The following RELL1 variants were observed in gnomAD, a reference collection of about 807,000 sequenced individuals.
RELL1 encodes RELT-like protein 1.
Under a neutral mutation model 23.0 loss-of-function variants are expected in RELL1, and 10 were observed. The ratio of observed to expected loss-of-function variants is 0.43; its 90% CI spans 0.27 to 0.74. The LOEUF is 0.74. RELL1 is among the 30% of genes least tolerant of loss of function. The pLI is 0.19. For missense variants in RELL1, 315 were observed against 364.4 expected, an observed-to-expected ratio of 0.86 and a Z score of 1.10; for synonymous variants, 146 against 146.8, an observed-to-expected ratio of 0.99 and a Z score of 0.04.
Position 37,612,339 on chromosome 4 carries a change from CAAAAAAAA to C in RELL1, c.*999_*1006del, listed in dbSNP as rs67692676. 1.2e-5 allele frequency among the ~76,000 whole-genome samples: 1 copy of C among 85,332 alleles called. No homozygotes were observed. Among genetic ancestry groups the C allele is most frequent in the African/African-American group, 6.5e-5 (1 of 15,288 alleles). 56.0% of individuals were successfully genotyped at this position (85,332 alleles called of 152,430 possible). A position where few individuals can be genotyped will look rare whatever the true frequency, so the allele number is the denominator to read the frequency against. On this transcript the variant is annotated 3_prime_UTR_variant, in exon 7 of 7. Coordinates refer to ENST00000454158, the MANE Select transcript of RELL1 (RefSeq NM_001085400.2). ...CTAAAGGTTAAAAAAAAAAAAAAAA[CAAAAAAAA>C]ACAAAAAACCGGGTGCAGTGGCCCA...
intron 6 of RELL1, among the ~76,000 whole-genome samples, chr4:37,626,365 C>G (rs1432437526): frequency 6.6e-6 from 1 of 152,122 alleles, no homozygotes; most frequent in Non-Finnish European, 1.5e-5. Context: ...GCAATCCCAG[C>G]TACTCAGGAG....
At chr4:37,630,433 C>T (rs1720090181) in intron 6 of RELL1, among the ~76,000 whole-genome samples, 2 of 131,870 alleles carry the variant, frequency 1.5e-5, no homozygotes, top group African/African-American at 2.9e-5. Flanking sequence ...GGCGTGATCT[C>T]GGCTCACTGC....
At chr4:37,600,442 C>G (rs763344420) in intron 6 of RELL1, among the ~76,000 whole-genome samples, 1 of 152,070 alleles carries the variant, frequency 6.6e-6, no homozygotes. Context: ...TGGGTAAGTT[C>G]TGTTCTACCT....
chr4:37,636,551 C>A (rs1358186214), intron 4 of RELL1, among the ~76,000 whole-genome samples: 1 of 149,622 alleles, frequency 6.7e-6, no homozygotes, highest in African/African-American at 2.5e-5. Flanking sequence ...GCCTAGATCG[C>A]GCCACTGCAC....
chr4:37,651,908 T>C (rs772977064), intron 1 of RELL1, among the ~76,000 whole-genome samples: 3 of 152,142 alleles, frequency 2.0e-5, no homozygotes, highest in Non-Finnish European at 4.4e-5. Flanking sequence ...CTCATTCTTC[T>C]TGGGTGCGCT....
intron 1 of RELL1, among the ~76,000 whole-genome samples, chr4:37,662,401 G>A (rs1357687134): frequency 1.3e-5 from 2 of 151,950 alleles, no homozygotes; most frequent in African/African-American, 2.4e-5. Context: ...AGATGATCCA[G>A]AAAGAAAAAG....
chr4:37,620,537 A>G (rs930848240), intron 6 of RELL1, among the ~76,000 whole-genome samples: 1 of 152,246 alleles, frequency 6.6e-6, no homozygotes, highest in African/African-American at 2.4e-5. Context: ...GTTCCCTACT[A>G]GTCTCAACAC....
chr4:37,652,721 C>G (rs908304869), intron 1 of RELL1, among the ~76,000 whole-genome samples: 2 of 152,156 alleles, frequency 1.3e-5, no homozygotes, highest in Admixed American at 6.6e-5. Flanking sequence ...CATGTGGCAA[C>G]CCCTAACAAA....
At chr4:37,590,132 A>G (rs756602207), downstream of RELL1, 2 of 1,614,186 alleles carry the variant, frequency 1.2e-6, no homozygotes, top group Non-Finnish European at 1.7e-6. Context: ...GGCTATGTCA[A>G]TGAAGTCAAC....
intron 6 of RELL1, among the ~76,000 whole-genome samples, chr4:37,615,947 A>G (rs928579171): frequency 6.6e-6 from 1 of 152,120 alleles, no homozygotes; most frequent in Non-Finnish European, 1.5e-5. Flanking sequence ...ATACATACAA[A>G]TATCTATGCC....
At chr4:37,590,738 G>A, downstream of RELL1, 1 of 1,614,202 alleles carries the variant, frequency 6.2e-7, no homozygotes, top group Non-Finnish European at 8.5e-7. Context: ...GGGGAGCATG[G>A]TTTGAATACG....
chr4:37,669,913 G>C (rs960971869), intron 1 of RELL1, among the ~76,000 whole-genome samples: 2 of 151,250 alleles, frequency 1.3e-5, no homozygotes, highest in Non-Finnish European at 3.0e-5. Flanking sequence ...AAGGCCGCAG[G>C]GTCCTCTGCC....
At chr4:37,637,794 T>C (rs1018389718) in intron 4 of RELL1, among the ~76,000 whole-genome samples, 1 of 152,240 alleles carries the variant, frequency 6.6e-6, no homozygotes, top group African/African-American at 2.4e-5. Flanking sequence ...TAATTAATTA[T>C]GAAGGAATAT....
At chr4:37,606,201 AAAGAAAGAAGG>A (rs1719218391), downstream of RELL1, among the ~76,000 whole-genome samples, 1 of 151,180 alleles carries the variant, frequency 6.6e-6, no homozygotes, top group African/African-American at 2.4e-5. The surrounding 1 kb of genome is among the most constrained non-coding windows in gnomAD (Gnocchi z 4.1). Flanking sequence ...GAGAAAGAAG[AAAGAAAGAAGG>A]AAAGAAAGAA....
At position 37,686,257 on chromosome 4, in the gene RELL1, C is replaced by A; in HGVS notation, c.31G>T (p.Val11Phe). The A allele has an allele frequency of 1.3e-6, 2 of 1,566,054 alleles. No homozygotes were observed. Among genetic ancestry groups the A allele is most frequent in the East Asian group, 4.9e-5 (2 of 41,064 alleles). MAPRALPGSAVLAAAVFVGGA... is the reference protein window; with the variant it reads MAPRALPGSAFLAAAVFVGGA... Reference sequence around the variant, plus strand: ...CCCACGAAGACAGCAGCGGCTAGGACGGCGGACCCCGGGAGTGCCCGCGGA... The same window carrying A: ...CCCACGAAGACAGCAGCGGCTAGGAAGGCGGACCCCGGGAGTGCCCGCGGA... The change falls in exon 1 of 7, where the codon GTC becomes TTC. Residue 11 changes from valine to phenylalanine, a missense_variant. By Grantham distance (50) the Val-to-Phe change is conservative. Coordinates refer to ENST00000454158, the MANE Select transcript of RELL1 (RefSeq NM_001085400.2).
In RELL1 at chr4:37,654,031, T is replaced by A. The variant is rs188226991; in HGVS notation, c.89-4531A>T. Among the ~76,000 whole-genome samples the A allele has an allele frequency of 2.2e-4, 34 of 152,332 alleles. No individual in the cohort carries two copies. The East Asian group carries it at 5.0e-3, about 22-fold the overall frequency. On this transcript the variant is annotated intron_variant, in intron 1 of 6. Transcript: ENST00000454158. ...CACTAAGCTTTGGGGTTATTTGTCA[T>A]ACAGCAATAGTAACTGGAAGCCTGC...
intron 3 of RELL1, among the ~76,000 whole-genome samples, chr4:37,639,599 T>C (rs575056529): frequency 6.6e-6 from 1 of 152,186 alleles, no homozygotes; most frequent in African/African-American, 2.4e-5. Context: ...ATGTGTTTTC[T>C]GCCTCCTTGT....
intron 6 of RELL1, among the ~76,000 whole-genome samples, chr4:37,628,082 A>C (rs984991037): frequency 9.2e-5 from 14 of 152,222 alleles, no homozygotes; most frequent in Non-Finnish European, 1.9e-4. Flanking sequence ...ATTTTAATGA[A>C]TACATAATTT....
chr4:37,664,875 A>G (rs1721476084), intron 1 of RELL1, among the ~76,000 whole-genome samples: 1 of 152,120 alleles, frequency 6.6e-6, no homozygotes, highest in Non-Finnish European at 1.5e-5. Flanking sequence ...ACCTCACTAC[A>G]ACAGCGCACC....
Sources: allele counts gnomAD v4.1 joint callset (sites outside exome capture counted in the v4.1 genomes callset), GRCh38; gene constraint gnomAD v4.1.1; non-coding constraint Gnocchi (gnomAD v3.1); transcripts MANE v1.5; gene names NCBI Gene and HGNC (gene_info 2026-07-23, HGNC 2026-07-21).